Variants in CCDC136 observed in about 807,000 individuals in gnomAD.
CCDC136 encodes coiled-coil domain containing 136, also known as coiled-coil domain-containing protein 136.
In CCDC136, 100 loss-of-function variants were observed where a neutral mutation model predicts 141.2. The observed-to-expected ratio is 0.71, with a 90% CI of 0.60 to 0.84. The LOEUF is 0.84. CCDC136 is among the 40% of genes least tolerant of loss of function. The pLI is 0.00. For synonymous variants in CCDC136, 474 were observed against 531.9 expected (o/e 0.89, Z 1.50); for missense variants, 1,206 against 1,379.4 (o/e 0.87, Z 1.99).
Position 128,811,853 on chromosome 7 carries a change from CG to C in CCDC136, c.2084del (p.Gly695ValfsTer16), listed in dbSNP as rs1435763088. The C allele has an allele frequency of 1.2e-6, 2 of 1,610,012 alleles. No individual in the cohort carries two copies. The highest frequency in any genetic ancestry group is 4.5e-5 in the East Asian group (2 of 44,844). On this transcript the variant is annotated frameshift_variant, in exon 13 of 18. Coordinates refer to ENST00000297788, the MANE Select transcript of CCDC136 (RefSeq NM_022742.5). LOFTEE classifies it high-confidence loss of function. ...AGGCCCTGCAGGTGATGTATGACGCCGGTCAGGCGAAGCAGGAGCTCTTGCA... is the reference window on the plus strand; with the variant it reads ...AGGCCCTGCAGGTGATGTATGACGCCGTCAGGCGAAGCAGGAGCTCTTGCA... ...MQALQVMYDA[G>X]QAKQELLQQE...
At chr7:128,812,635 G>T (rs1214699120) in intron 13 of CCDC136, 73 bp from the exon 14 acceptor site, 4 of 1,197,572 alleles carry the variant, frequency 3.3e-6, no homozygotes, top group Non-Finnish European at 3.6e-6. Flanking sequence ...GGTATCCAGG[G>T]AAGGGCCCAG....
At chr7:128,795,017 C>T (rs1462726426) in intron 3 of CCDC136, among the ~76,000 whole-genome samples, 5 of 152,184 alleles carry the variant, frequency 3.3e-5, no homozygotes, top group Non-Finnish European at 7.3e-5. Flanking sequence ...GCCTCCCTGT[C>T]ACCTCCTGTC....
Position 128,810,137 on chromosome 7 carries a change from A to G in CCDC136, c.1801-2A>G. 1 of 1,572,700 alleles carries G rather than the reference A, an allele frequency of 6.4e-7. No homozygotes were observed. The stretch of plus-strand genomic sequence containing the variant: ...TGCCTCCTTCCTTCTACTCCGCCTC[A>G]GAGTCAGGAGCTACTCACCAAGTTA... On this transcript the variant is annotated splice_acceptor_variant, in intron 11 of 17. Coordinates refer to ENST00000297788, the MANE Select transcript of CCDC136 (RefSeq NM_022742.5). LOFTEE classifies it high-confidence loss of function.
Position 128,812,144 on chromosome 7 carries a change from C to T in CCDC136, c.2373C>T (p.Asp791=). The change falls in exon 13 of 18, where the codon GAC becomes GAT. Residue 791 remains aspartate (D), a synonymous_variant. Coordinates refer to ENST00000297788, the MANE Select transcript of CCDC136 (RefSeq NM_022742.5). The part of the protein sequence containing the change: ...TSSKSFLKSY[D]SSTSASEAYG... ...GCAAGAGCTTTCTCAAGAGCTATGA[C>T]AGCAGCACCAGTGCCAGTGAGGCCT... 1.9e-6 allele frequency: 3 copies of T among 1,614,040 alleles called. No homozygotes were observed. Among genetic ancestry groups the T allele is most frequent in the Non-Finnish European group, 2.5e-6 (3 of 1,179,896 alleles).
At chr7:128,806,995 G>A in intron 9 of CCDC136, 137 bp downstream of exon 9, 5 of 768,916 alleles carry the variant, frequency 6.5e-6, no homozygotes, top group Non-Finnish European at 9.8e-6. Flanking sequence ...TTAGGAGAAA[G>A]GTGACCTCGG....
At position 128,805,523 on chromosome 7, in the gene CCDC136, A is replaced by C; in HGVS notation, c.947A>C (p.Lys316Thr). Residue 316 changes from lysine (K) to threonine (T), a missense_variant and splice_region_variant, in exon 6 of 18, where the codon AAG (lysine) becomes ACG (threonine). By Grantham distance (78) the Lys-to-Thr change is moderately conservative (BLOSUM62 -1). Transcript: ENST00000297788. This position sits in a 1 kb window ranked among gnomAD's most constrained non-coding sequence, Gnocchi z 4.6. The stretch of plus-strand genomic sequence containing the variant: ...GAGCAGATGCATGGCATGAAGAACA[A>C]GGTAGGGCACAGAGGGTGGGGAAGG... ...AEEQMHGMKN[K>T]CQELCCELEE... is the part of the protein sequence containing the mutation. 2 of 1,605,436 alleles carry C rather than the reference A, an allele frequency of 1.2e-6. No homozygotes were observed. Among genetic ancestry groups the C allele is most frequent in the Non-Finnish European group, 1.7e-6 (2 of 1,174,676 alleles).
chr7:128,814,418 C>T (rs993418414), intron 14 of CCDC136, among the ~76,000 whole-genome samples: 1 of 152,132 alleles, frequency 6.6e-6, no homozygotes, highest in African/African-American at 2.4e-5. Flanking sequence ...ATTAGATGGA[C>T]ATCATCAGGT....
chr7:128,811,827 C>T lies in CCDC136; in HGVS notation c.2056C>T (p.Gln686Ter), dbSNP rs1805769672. 1.3e-6 allele frequency: 2 copies of T among 1,597,110 alleles called. No individual in the cohort carries two copies. Among genetic ancestry groups the T allele is most frequent in the East Asian group, 2.2e-5 (1 of 44,734 alleles). ...KQSKLLMEQM[Q>*]ALQVMYDAGQ... ...ATCCAAGCTGCTCATGGAGCAGATG[C>T]AGGCCCTGCAGGTGATGTATGACGC... Residue 686 changes from glutamine (Q) to a stop codon, truncating the protein, a stop_gained, in exon 13 of 18, where the codon CAG (glutamine) becomes TAG (stop). Transcript: ENST00000297788. LOFTEE classifies it high-confidence loss of function.
Position 128,814,618 on chromosome 7 carries a change from T to C in CCDC136, c.2764-20T>C. ...GCATAACCAGCCAACTCTGGGTAAC[T>C]GGCCCTCCACTACCAACAGATCAAA... On this transcript the variant is annotated intron_variant, in intron 14 of 17. Transcript: ENST00000297788. The C allele has an allele frequency of 6.6e-7, 1 of 1,519,194 alleles. No homozygotes were observed. Among genetic ancestry groups the C allele is most frequent in the East Asian group, 2.3e-5 (1 of 43,388 alleles). 94.1% of individuals were successfully genotyped at this position (1,519,194 alleles called of 1,614,324 possible). A position where few individuals can be genotyped will look rare whatever the true frequency, so the allele number is the denominator to read the frequency against.
intron 4 of CCDC136, among the ~76,000 whole-genome samples, chr7:128,802,546 T>C (rs1804211172): frequency 1.3e-5 from 2 of 152,152 alleles, no homozygotes; most frequent in Admixed American, 1.3e-4. Context: ...TCTGAGCCTG[T>C]TTCTATATCC....
chr7:128,811,884 G>C lies in CCDC136; in HGVS notation c.2113G>C (p.Glu705Gln). Reference protein sequence around the residue: ...GQAKQELLQQEQGRLLEERKR... With the variant: ...GQAKQELLQQQQGRLLEERKR... ...GGCGAAGCAGGAGCTCTTGCAGCAA[G>C]AGCAAGGGAGGCTCCTAGAGGAGCG... Residue 705 changes from glutamate (E) to glutamine (Q), a missense_variant, in exon 13 of 18, where the codon GAG (glutamate) becomes CAG (glutamine). Transcript: ENST00000297788. 1 of 1,613,712 alleles carries C rather than the reference G, an allele frequency of 6.2e-7. No individual in the cohort carries two copies.
In CCDC136 at chr7:128,812,243, T is replaced by C. The variant is rs369363208; in HGVS notation, c.2472T>C (p.Ser824=). The C allele has an allele frequency of 3.7e-6, 6 of 1,613,774 alleles. No individual in the cohort carries two copies. The African/African-American group carries it at 6.7e-5, about 18-fold the overall frequency. Reference sequence around the variant, plus strand: ...AGAGTTACGGCAGCACCAGTAGCTCTGACACCTGCCAGAAGAGTTTTGTCA... The same window carrying C: ...AGAGTTACGGCAGCACCAGTAGCTCCGACACCTGCCAGAAGAGTTTTGTCA... ...YKKSYGSTSS[S]DTCQKSFVSS... Residue 824 remains serine, a synonymous_variant, in exon 13 of 18, where the codon TCT becomes TCC. Coordinates refer to ENST00000297788, the MANE Select transcript of CCDC136 (RefSeq NM_022742.5).
At chr7:128,797,346 A>T (rs183087764) in intron 3 of CCDC136, among the ~76,000 whole-genome samples, 5 of 152,334 alleles carry the variant, frequency 3.3e-5, no homozygotes, top group Admixed American at 3.3e-4. Flanking sequence ...ATTAGCATAT[A>T]ATTGGCATTA....
intron 1 of CCDC136, among the ~76,000 whole-genome samples, chr7:128,793,587 G>T (rs1242074581): frequency 1.3e-5 from 2 of 152,138 alleles, no homozygotes; most frequent in African/African-American, 2.4e-5. Context: ...AAGCCACCTG[G>T]ATAGTTTTTG....
At chr7:128,806,915 G>T in intron 9 of CCDC136, 57 bp downstream of exon 9, 1 of 1,518,328 alleles carries the variant, frequency 6.6e-7, no homozygotes, top group South Asian at 1.3e-5. Flanking sequence ...GTGTGAGGGT[G>T]AGAGCACAGA....
intron 3 of CCDC136, among the ~76,000 whole-genome samples, chr7:128,800,720 A>G (rs1803896532): frequency 6.6e-6 from 1 of 152,252 alleles, no homozygotes. Context: ...TTTTAGGTCC[A>G]GTACTTACCA....
chr7:128,805,283 T>C lies in CCDC136; in HGVS notation c.783-76T>C, dbSNP rs1804658886. 12 of 1,332,070 alleles carry C rather than the reference T, an allele frequency of 9.0e-6. No homozygotes were observed. Among genetic ancestry groups the C allele is most frequent in the Admixed American group, 1.9e-5 (1 of 53,758 alleles). The allele number at this position is 1,332,070 out of a possible 1,614,324, so 82.5% of individuals were successfully genotyped here. A position where few individuals can be genotyped will look rare whatever the true frequency, so the allele number is the denominator to read the frequency against. ...CTATCTTTGGCCTAAAATGAAGGTATCAGGACAAAGCCTGCATGGCTGGTG... is the reference window on the plus strand; with the variant it reads ...CTATCTTTGGCCTAAAATGAAGGTACCAGGACAAAGCCTGCATGGCTGGTG... On this transcript the variant is annotated intron_variant, in intron 5 of 17. Transcript: ENST00000297788. This position sits in a 1 kb window ranked among gnomAD's most constrained non-coding sequence, Gnocchi z 4.6.
At chr7:128,811,026 G>C (rs2128917252) in intron 12 of CCDC136, among the ~76,000 whole-genome samples, 1 of 152,342 alleles carries the variant, frequency 6.6e-6, no homozygotes, top group East Asian at 1.9e-4. Context: ...ATTCTCTTCA[G>C]GGTTGGGGGA....
chr7:128,794,859 A>G lies in CCDC136; in HGVS notation c.346+91A>G, dbSNP rs1247103672. 2.0e-6 allele frequency: 2 copies of G among 992,808 alleles called. No homozygotes were observed. Among genetic ancestry groups the G allele is most frequent in the African/African-American group, 3.2e-5 (2 of 61,570 alleles). 61.5% of individuals were successfully genotyped at this position (992,808 alleles called of 1,614,324 possible). The stretch of plus-strand genomic sequence containing the variant: ...TGAGGGTTTGACTGAAGCACAGCAG[A>G]TAAAAATAACCAAATTCAGTAATTT... On this transcript the variant is annotated intron_variant, in intron 3 of 17. Coordinates refer to ENST00000297788, the MANE Select transcript of CCDC136 (RefSeq NM_022742.5). The surrounding 1 kb of genome is among the most constrained non-coding windows in gnomAD (Gnocchi z 4.3).
Sources: allele counts gnomAD v4.1 joint callset (sites outside exome capture counted in the v4.1 genomes callset), GRCh38; gene constraint gnomAD v4.1.1; non-coding constraint Gnocchi (gnomAD v3.1); transcripts MANE v1.5; gene names NCBI Gene and HGNC (gene_info 2026-07-23, HGNC 2026-07-21).